Variants in PTPRN2 observed in about 807,000 individuals in gnomAD.
PTPRN2 encodes the protein receptor-type tyrosine-protein phosphatase N2.
Under a neutral mutation model 118.8 loss-of-function variants are expected in PTPRN2, and 74 were observed. The observed-to-expected ratio is 0.62, with a 90% CI of 0.52 to 0.76. PTPRN2 has a LOEUF of 0.76. Ranked by LOEUF, PTPRN2 falls within the 30% of genes least tolerant of loss-of-function variation. PTPRN2 has a pLI of 0.00. For synonymous variants in PTPRN2, 641 were observed against 608.0 expected, an observed-to-expected ratio of 1.05 and a Z score of -0.80; for missense variants, 1,481 against 1,394.4, an observed-to-expected ratio of 1.06 and a Z score of -0.99.
chr7:157,852,836 T>A (rs1041751144), intron 12 of PTPRN2, among the ~76,000 whole-genome samples: 1 of 127,956 alleles, frequency 7.8e-6, no homozygotes, highest in African/African-American at 3.1e-5. Context: ...ACCACTGCAC[T>A]CCAGCTCGGC....
intron 12 of PTPRN2, among the ~76,000 whole-genome samples, chr7:157,825,706 C>G (rs1343184709): frequency 1.3e-5 from 2 of 152,208 alleles, no homozygotes; most frequent in Non-Finnish European, 1.5e-5. Context: ...AGGTATCTCT[C>G]TCGAGGCAGA....
rs992094123 is a variant in PTPRN2, at chr7:157,899,302, T to C, written c.1724-565A>G. On this transcript the variant is annotated intron_variant, in intron 11 of 22. Transcript: ENST00000389418. ...TCTCCTGATGTAGAATGAGGAAGAC[T>C]TTCAGAGAATGAATTGCACTCGATG... Among the ~76,000 whole-genome samples, 3 of 152,132 alleles carry C rather than the reference T, an allele frequency of 2.0e-5. No individual in the cohort carries two copies. In the South Asian group the frequency reaches 6.2e-4, roughly 32 times the overall value.
intron 19 of PTPRN2, among the ~76,000 whole-genome samples, chr7:157,573,909 AAG>A (rs1468933520): frequency 1.3e-5 from 2 of 152,212 alleles, no homozygotes; most frequent in African/African-American, 4.8e-5. Context: ...ACGGGCAGTC[AAG>A]GACATGTGCA....
intron 3 of PTPRN2, among the ~76,000 whole-genome samples, chr7:158,312,036 C>G (rs1019669827): frequency 2.1e-5 from 3 of 141,964 alleles, no homozygotes; most frequent in Non-Finnish European, 3.1e-5. Flanking sequence ...CGTGTAGAGA[C>G]ACACACATGC....
At chr7:158,414,067 CAAAAAAAAAAAAA>C (rs34928217) in intron 2 of PTPRN2, among the ~76,000 whole-genome samples, 10 of 76,470 alleles carry the variant, frequency 1.3e-4, no homozygotes, top group Admixed American at 8.3e-4. Flanking sequence ...GCCTCTATCT[CAAAAAAAAAAAAA>C]AAAAAAAAAA....
chr7:158,207,378 C>T (rs951093716), intron 3 of PTPRN2, among the ~76,000 whole-genome samples: 21 of 151,898 alleles, frequency 1.4e-4, no homozygotes, highest in South Asian at 4.2e-4. Flanking sequence ...CCTGAGGAAT[C>T]GCCACACTGA....
intron 10 of PTPRN2, among the ~76,000 whole-genome samples, chr7:158,105,909 C>T (rs936464418): frequency 5.3e-5 from 8 of 151,506 alleles, no homozygotes; most frequent in African/African-American, 1.9e-4. Flanking sequence ...TCCATCACTA[C>T]TCCATCTCAT....
intron 12 of PTPRN2, among the ~76,000 whole-genome samples, chr7:157,838,250 C>T (rs571595939): frequency 1.3e-4 from 19 of 148,384 alleles, no homozygotes; most frequent in South Asian, 2.1e-4. Flanking sequence ...GTGGATGGCA[C>T]GGGAGAAAGC....
intron 3 of PTPRN2, among the ~76,000 whole-genome samples, chr7:158,230,948 T>C (rs1191445259): frequency 6.6e-6 from 1 of 152,164 alleles, no homozygotes; most frequent in East Asian, 1.9e-4. Flanking sequence ...TCTATAAAGA[T>C]GGACATTGAC....
At chr7:157,725,791 T>C (rs1240005378) in intron 12 of PTPRN2, among the ~76,000 whole-genome samples, 3 of 113,528 alleles carry the variant, frequency 2.6e-5, no homozygotes, top group Non-Finnish European at 5.3e-5. Context: ...GACCCTCACC[T>C]CCCAGGAGAA....
intron 11 of PTPRN2, among the ~76,000 whole-genome samples, chr7:158,052,680 G>A (rs1026404132): frequency 1.3e-5 from 2 of 150,924 alleles, no homozygotes; most frequent in Non-Finnish European, 3.0e-5. Flanking sequence ...AGAGGGGGGC[G>A]GCCACTGCTT....
At chr7:157,613,120 C>T (rs1189207048) in intron 15 of PTPRN2, among the ~76,000 whole-genome samples, 1 of 152,162 alleles carries the variant, frequency 6.6e-6, no homozygotes, top group African/African-American at 2.4e-5. Flanking sequence ...CAGGCCCGGC[C>T]CCGTCTCCAG....
At chr7:158,406,042 CGTG>C (rs1813395212) in intron 2 of PTPRN2, among the ~76,000 whole-genome samples, 2 of 140,162 alleles carry the variant, frequency 1.4e-5, no homozygotes, top group Non-Finnish European at 3.1e-5. Flanking sequence ...GTGGCTCATC[CGTG>C]AGACACGTGG....
At chr7:158,353,711 C>G (rs992216135) in intron 2 of PTPRN2, among the ~76,000 whole-genome samples, 2 of 152,162 alleles carry the variant, frequency 1.3e-5, no homozygotes, top group Non-Finnish European at 2.9e-5. Context: ...GAACCAGACC[C>G]CCACATCTGC....
chr7:157,709,636 A>G (rs1419433534), intron 12 of PTPRN2, among the ~76,000 whole-genome samples: 1 of 152,176 alleles, frequency 6.6e-6, no homozygotes, highest in Non-Finnish European at 1.5e-5. Flanking sequence ...GCCCACAGGA[A>G]TGGGCGGTCC....
intron 1 of PTPRN2, among the ~76,000 whole-genome samples, chr7:158,531,968 C>T (rs544072948): frequency 2.5e-4 from 38 of 152,290 alleles, no homozygotes; most frequent in South Asian, 8.3e-4. Flanking sequence ...GACAAGGACA[C>T]GGAAGGCAAA....
intron 9 of PTPRN2, among the ~76,000 whole-genome samples, chr7:158,127,549 A>G (rs1817802326): frequency 2.0e-5 from 3 of 151,992 alleles, no homozygotes; most frequent in Non-Finnish European, 4.4e-5. Context: ...CTCCAACAGC[A>G]CTGTGGCCGC....
chr7:157,604,894 T>A (rs1801909500), intron 15 of PTPRN2, among the ~76,000 whole-genome samples: 1 of 152,166 alleles, frequency 6.6e-6, no homozygotes, highest in Admixed American at 6.5e-5. Context: ...TGCTCTGTTT[T>A]TAGAAACTTC....
intron 3 of PTPRN2, among the ~76,000 whole-genome samples, chr7:158,232,603 G>A (rs1219016009): frequency 6.6e-6 from 1 of 151,676 alleles, no homozygotes; most frequent in East Asian, 1.9e-4. Flanking sequence ...TGAGGTCAGT[G>A]TTACCCTGAA....
Sources: allele counts gnomAD v4.1 joint callset (sites outside exome capture counted in the v4.1 genomes callset), GRCh38; gene constraint gnomAD v4.1.1; transcripts MANE v1.5; gene names NCBI Gene and HGNC (gene_info 2026-07-23, HGNC 2026-07-21).